The following SKA1 variants were observed in gnomAD, a reference collection of about 807,000 sequenced individuals.
SKA1 encodes the protein SKA complex subunit 1.
In SKA1, 20 loss-of-function variants were observed where a neutral mutation model predicts 31.8. The ratio of observed to expected loss-of-function variants is 0.63; its 90% CI spans 0.44 to 0.91. The LOEUF is 0.91. Ranked by LOEUF, SKA1 falls within the 40% of genes least tolerant of loss-of-function variation. SKA1 has a pLI of 0.00. For synonymous variants in SKA1, 88 were observed against 100.5 expected, an observed-to-expected ratio of 0.88 and a Z score of 0.74; for missense variants, 253 against 298.2, an observed-to-expected ratio of 0.85 and a Z score of 1.12.
intron 4 of SKA1, among the ~76,000 whole-genome samples, chr18:50,384,300 A>T (rs1228273120): frequency 6.6e-6 from 1 of 152,186 alleles, no homozygotes; most frequent in Admixed American, 6.5e-5. Context: ...ATGTGTAGTT[A>T]TAGCAGCCCC....
chr18:50,375,921 A>C lies in SKA1; in HGVS notation c.88+3A>C, dbSNP rs778993676. ...AACCTTATCATTAAGAAACTGTGGT[A>C]AGTAAAACAGATTCCACTGACTTTG... On this transcript the variant is annotated splice_donor_region_variant and intron_variant, in intron 2 of 6. Coordinates refer to ENST00000285116, the MANE Select transcript of SKA1 (RefSeq NM_145060.4). The C allele has an allele frequency of 9.7e-6, 15 of 1,547,330 alleles. No homozygotes were observed. Among genetic ancestry groups the C allele is most frequent in the Non-Finnish European group, 1.3e-5 (15 of 1,125,598 alleles).
chr18:50,381,881 A>C (rs557663821), intron 3 of SKA1, among the ~76,000 whole-genome samples: 8 of 151,980 alleles, frequency 5.3e-5, no homozygotes, highest in African/African-American at 1.4e-4. Context: ...GCGTGCCACC[A>C]CGCCCGGCTA....
intron 5 of SKA1, among the ~76,000 whole-genome samples, chr18:50,388,632 C>T (rs57934377): frequency 0.065 from 9,833 of 152,106 alleles, 900 homozygotes; most frequent in African/African-American, 0.2. Flanking sequence ...CTTAGCTAGA[C>T]GGGGCTGAAA....
At chr18:50,380,049 C>T (rs1568328213) in intron 2 of SKA1, 77 bp from the exon 3 acceptor site, 1 of 1,269,424 alleles carries the variant, frequency 7.9e-7, no homozygotes, top group East Asian at 2.8e-5. Context: ...GCTATCTATT[C>T]TAAGAGTTCG....
At chr18:50,375,767 A>G (rs1316984662) in intron 1 of SKA1, 53 bp from the exon 2 acceptor site, 8 of 1,206,214 alleles carry the variant, frequency 6.6e-6, no homozygotes, top group Non-Finnish European at 9.5e-6. Context: ...GAAAGTGAAC[A>G]GAAATTTGTG....
intron 4 of SKA1, among the ~76,000 whole-genome samples, chr18:50,384,929 C>T (rs185103093): frequency 7.3e-6 from 1 of 136,764 alleles, no homozygotes; most frequent in Admixed American, 7.5e-5. Context: ...AGCCGTAAAG[C>T]TGTTAACTTA....
At chr18:50,390,169 G>A (rs1402530927) in intron 5 of SKA1, among the ~76,000 whole-genome samples, 1 of 152,022 alleles carries the variant, frequency 6.6e-6, no homozygotes, top group East Asian at 1.9e-4. Flanking sequence ...AGAAAAAACA[G>A]GACAGCAAAA....
chr18:50,390,372 C>G (rs1188192273), intron 5 of SKA1, among the ~76,000 whole-genome samples: 1 of 152,196 alleles, frequency 6.6e-6, no homozygotes, highest in African/African-American at 2.4e-5. Flanking sequence ...TGAAGCAGAT[C>G]ATCAAGTTTT....
chr18:50,391,821 C>G (rs1015465406), intron 6 of SKA1, among the ~76,000 whole-genome samples: 1 of 152,200 alleles, frequency 6.6e-6, no homozygotes, highest in African/African-American at 2.4e-5. Flanking sequence ...AATGATAACA[C>G]TGTTACGGGT....
intron 1 of SKA1, 144 bp from the exon 2 acceptor site, chr18:50,375,676 A>G (rs1048183353): frequency 1.3e-5 from 8 of 597,528 alleles, no homozygotes; most frequent in East Asian, 5.6e-5. Flanking sequence ...TGTTGTAGAA[A>G]TGAAAGAAAT....
chr18:50,386,389 GGTT>G (rs1300380843), intron 5 of SKA1, among the ~76,000 whole-genome samples: 1 of 152,074 alleles, frequency 6.6e-6, no homozygotes, highest in Non-Finnish European at 1.5e-5. Context: ...AGTTCATTTT[GGTT>G]GTTGTTTTAT....
chr18:50,381,616 A>G (rs1440270331), intron 3 of SKA1, among the ~76,000 whole-genome samples: 2 of 152,188 alleles, frequency 1.3e-5, no homozygotes, highest in Non-Finnish European at 2.9e-5. Flanking sequence ...AATCCAGTAG[A>G]GAAAAATATT....
chr18:50,382,274 G>C, intron 4 of SKA1, 48 bp downstream of exon 4: 1 of 1,184,270 alleles, frequency 8.4e-7, no homozygotes, highest in Non-Finnish European at 1.2e-6. Context: ...ATAAACCCAT[G>C]AAAACAAGTT....
At position 50,385,322 on chromosome 18, in the gene SKA1, A is replaced by G; in HGVS notation, c.418A>G (p.Ile140Val). 6.2e-7 allele frequency: 1 copy of G among 1,613,610 alleles called. No homozygotes were observed. Among genetic ancestry groups the G allele is most frequent in the Non-Finnish European group, 8.5e-7 (1 of 1,179,706 alleles). The part of the protein sequence containing the change: ...EQRSIKEMPF[I>V]TCDEFNGVPS... ...AAGAAGTATTAAGGAAATGCCATTT[A>G]TAACTTGTGATGAGTTCAATGGTGT... The change falls in exon 5 of 7, where the codon ATA (isoleucine) becomes GTA (valine). Residue 140 changes from isoleucine (I) to valine (V), a missense_variant. Transcript: ENST00000285116.
chr18:50,383,413 T>G (rs1328696221), intron 4 of SKA1, among the ~76,000 whole-genome samples: 1 of 152,222 alleles, frequency 6.6e-6, no homozygotes. Context: ...CTTTACTCAT[T>G]CTTACCCAAC....
chr18:50,392,693 A>G lies in SKA1; in HGVS notation c.*446A>G, dbSNP rs1231478921. ...CTATTCTTGTTTCTTATAAAAATAA[A>G]ACTTTTTTGGATAAAGCTTATTTCT... On this transcript the variant is annotated 3_prime_UTR_variant, in exon 7 of 7. Transcript: ENST00000285116. 6.7e-6 allele frequency: 1 copy of G among 150,280 alleles called. No homozygotes were observed. Among genetic ancestry groups the G allele is most frequent in the Non-Finnish European group, 1.5e-5 (1 of 67,780 alleles). 9.3% of individuals were successfully genotyped at this position (150,280 alleles called of 1,614,324 possible). A position where few individuals can be genotyped will look rare whatever the true frequency, so the allele number is the denominator to read the frequency against.
intron 5 of SKA1, among the ~76,000 whole-genome samples, chr18:50,389,330 T>A (rs1423510078): frequency 1.3e-5 from 2 of 151,556 alleles, no homozygotes; most frequent in African/African-American, 4.9e-5. Flanking sequence ...CTCTTTAGTC[T>A]TTTTCTGGGG....
In SKA1 at chr18:50,375,793, C is replaced by T. The variant is rs75810756; in HGVS notation, c.-11-27C>T. On this transcript the variant is annotated intron_variant, in intron 1 of 6. Transcript: ENST00000285116. Reference sequence around the variant, plus strand: ...GAAATTTGTGTGGCTTTTCTTGTTACGAATATGTTTATGTTTTTTTCTTCA... The same window carrying T: ...GAAATTTGTGTGGCTTTTCTTGTTATGAATATGTTTATGTTTTTTTCTTCA... The T allele has an allele frequency of 9.8e-3, 13,498 of 1,384,078 alleles. 85 individuals carry two copies. Among genetic ancestry groups the T allele is most frequent in the Non-Finnish European group, 0.012 (12,248 of 1,005,346 alleles). The allele number at this position is 1,384,078 out of a possible 1,614,324, so 85.7% of individuals were successfully genotyped here.
chr18:50,379,191 T>TA (rs1263348575), intron 2 of SKA1, among the ~76,000 whole-genome samples: 1 of 152,202 alleles, frequency 6.6e-6, no homozygotes, highest in Admixed American at 6.5e-5. Flanking sequence ...TTAAATTTTT[T>TA]AAAAAACTAC....
Sources: allele counts gnomAD v4.1 joint callset (sites outside exome capture counted in the v4.1 genomes callset), GRCh38; gene constraint gnomAD v4.1.1; transcripts MANE v1.5; gene names NCBI Gene and HGNC (gene_info 2026-07-23, HGNC 2026-07-21).